CACNA2D1: variants seen among roughly 807,000 people sequenced by gnomAD.
The protein encoded by CACNA2D1 is voltage-dependent calcium channel subunit alpha-2/delta-1.
Under a neutral mutation model 171.5 loss-of-function variants are expected in CACNA2D1, and 53 were observed. The ratio of observed to expected loss-of-function variants is 0.31; its 90% CI spans 0.25 to 0.39. The LOEUF is 0.39. CACNA2D1 is among the 10% of genes least tolerant of loss of function. The probability of loss-of-function intolerance (pLI) is 1.00; values close to 1 mark genes in which losing one functional copy is unlikely to be tolerated. For synonymous variants in CACNA2D1, 442 were observed against 443.1 expected (o/e 1.00, Z 0.03); for missense variants, 903 against 1,299.8 (o/e 0.69, Z 4.69).
At chr7:81,959,491 G>T (rs573302734) in intron 37 of CACNA2D1, 134 bp from the exon 38 acceptor site, 3 of 775,848 alleles carry the variant, frequency 3.9e-6, no homozygotes, top group Non-Finnish European at 6.7e-6. Flanking sequence ...CACAATTCAA[G>T]TACATAGGGA....
chr7:82,348,671 T>C (rs1819526791), intron 2 of CACNA2D1, among the ~76,000 whole-genome samples: 1 of 152,144 alleles, frequency 6.6e-6, no homozygotes, highest in Non-Finnish European at 1.5e-5. Flanking sequence ...TATTAATACA[T>C]AAAGTAACCA....
intron 3 of CACNA2D1, among the ~76,000 whole-genome samples, chr7:82,308,035 C>T (rs1813950047): frequency 6.6e-6 from 1 of 152,192 alleles, no homozygotes; most frequent in African/African-American, 2.4e-5. Flanking sequence ...ACTAAAACGC[C>T]ATCCTAATTG....
At chr7:82,215,512 G>A (rs890337421) in intron 3 of CACNA2D1, among the ~76,000 whole-genome samples, 3 of 151,928 alleles carry the variant, frequency 2.0e-5, no homozygotes, top group Admixed American at 6.6e-5. Flanking sequence ...AAATAAATAT[G>A]ATTTCTTAGA....
intron 4 of CACNA2D1, among the ~76,000 whole-genome samples, chr7:82,139,011 G>A (rs1379828780): frequency 6.6e-6 from 1 of 152,146 alleles, no homozygotes; most frequent in East Asian, 1.9e-4. Flanking sequence ...AGAAAACAAG[G>A]TGAGGCTGCA....
chr7:82,042,357 T>G (rs572566483), intron 10 of CACNA2D1, among the ~76,000 whole-genome samples: 1 of 152,154 alleles, frequency 6.6e-6, no homozygotes, highest in Non-Finnish European at 1.5e-5. Flanking sequence ...TTAAAAACCT[T>G]AGAGCAAAAG....
intron 1 of CACNA2D1, among the ~76,000 whole-genome samples, chr7:82,353,449 A>T: frequency 6.6e-6 from 1 of 152,198 alleles, no homozygotes; most frequent in East Asian, 1.9e-4. Context: ...ATAAATATAC[A>T]CTAGGCAATT....
chr7:82,108,994 T>C (rs1788073680), intron 6 of CACNA2D1, among the ~76,000 whole-genome samples: 1 of 152,186 alleles, frequency 6.6e-6, no homozygotes, highest in Non-Finnish European at 1.5e-5. Flanking sequence ...ATTGTACTTT[T>C]TAAAAAGTGC....
intron 1 of CACNA2D1, among the ~76,000 whole-genome samples, chr7:82,395,171 C>G (rs1283166045): frequency 6.8e-6 from 1 of 147,466 alleles, no homozygotes; most frequent in Non-Finnish European, 1.5e-5. Flanking sequence ...GAGTACTATT[C>G]TAGACACTAA....
Position 82,257,600 on chromosome 7 carries a change from C to T in CACNA2D1, c.294+77535G>A, listed in dbSNP as rs75940635. On this transcript the variant is annotated intron_variant, in intron 3 of 38. Coordinates refer to ENST00000356860, the MANE Select transcript of CACNA2D1 (RefSeq NM_000722.4). ...TGAGAGTAAGAATTCTATACTCCAA[C>T]ACTATGTAAACCATAAAACATTGTC... Among the ~76,000 whole-genome samples, 271 of 152,352 alleles carry T rather than the reference C, an allele frequency of 1.8e-3. 2 individuals are homozygous for T. The highest frequency in any genetic ancestry group is 2.7e-3 in the Non-Finnish European group (185 of 68,038).
At chr7:82,368,402 T>C (rs971180963) in intron 1 of CACNA2D1, among the ~76,000 whole-genome samples, 7 of 152,330 alleles carry the variant, frequency 4.6e-5, no homozygotes, top group Admixed American at 4.6e-4. Flanking sequence ...TTAAGTTCTG[T>C]GAAGCAGGAA....
At chr7:82,019,524 T>A (rs2131006613) in intron 12 of CACNA2D1, among the ~76,000 whole-genome samples, 1 of 152,326 alleles carries the variant, frequency 6.6e-6, no homozygotes, top group East Asian at 1.9e-4. Context: ...CTATTTACAA[T>A]GTATTACTGA....
At chr7:82,104,995 A>T (rs1787565387) in intron 6 of CACNA2D1, among the ~76,000 whole-genome samples, 1 of 152,106 alleles carries the variant, frequency 6.6e-6, no homozygotes, top group Admixed American at 6.5e-5. Flanking sequence ...GAAATTGATG[A>T]CAAATATTTT....
chr7:82,141,706 T>C (rs1291966027), intron 4 of CACNA2D1, among the ~76,000 whole-genome samples: 1 of 152,236 alleles, frequency 6.6e-6, no homozygotes, highest in African/African-American at 2.4e-5. Flanking sequence ...TATGGTTGGA[T>C]GACATGACCA....
chr7:82,259,317 C>A (rs1375873624), intron 3 of CACNA2D1, among the ~76,000 whole-genome samples: 2 of 151,990 alleles, frequency 1.3e-5, no homozygotes, highest in African/African-American at 4.8e-5. Context: ...TGGTCTCAAC[C>A]CAAATTGTTT....
chr7:81,967,662 A>T lies in CACNA2D1; in HGVS notation c.2397T>A (p.Val799=), dbSNP rs191213592. 7.5e-5 allele frequency: 104 copies of T among 1,394,012 alleles called. No individual in the cohort carries two copies. In the African/African-American group the frequency reaches 1.4e-3, roughly 19 times the overall value. The allele number at this position is 1,394,012 out of a possible 1,614,324, so 86.4% of individuals were successfully genotyped here. The part of the protein sequence containing the change: ...YIQGKLLKPA[V]VGIKIDVNSW... ...AATTTACATCAATTTTAATTCCAACAACTGAAAAATTAATTTGAATTAATT... is the reference window on the plus strand; with the variant it reads ...AATTTACATCAATTTTAATTCCAACTACTGAAAAATTAATTTGAATTAATT... The change falls in exon 30 of 39, where the codon GTT becomes GTA. Residue 799 remains valine (V), a splice_region_variant and synonymous_variant. Transcript: ENST00000356860.
At chr7:82,389,928 G>A (rs189061457) in intron 1 of CACNA2D1, among the ~76,000 whole-genome samples, 3 of 152,242 alleles carry the variant, frequency 2.0e-5, no homozygotes, top group South Asian at 4.1e-4. Context: ...TATATCTCAC[G>A]TGTTCTTTGT....
intron 3 of CACNA2D1, among the ~76,000 whole-genome samples, chr7:82,182,404 A>G (rs1193861152): frequency 6.6e-6 from 1 of 152,204 alleles, no homozygotes; most frequent in African/African-American, 2.4e-5. Context: ...GTCTACAAAT[A>G]TATCAAAGTT....
At chr7:82,186,702 A>C (rs1797819966) in intron 3 of CACNA2D1, among the ~76,000 whole-genome samples, 1 of 152,196 alleles carries the variant, frequency 6.6e-6, no homozygotes. Context: ...ACGTTAGGAC[A>C]AAAGAAATAG....
intron 3 of CACNA2D1, among the ~76,000 whole-genome samples, chr7:82,307,303 C>T (rs571838559): frequency 1.6e-4 from 25 of 151,728 alleles, no homozygotes; most frequent in African/African-American, 3.9e-4. Flanking sequence ...TACAGGTATG[C>T]GCCACCACAC....
Sources: allele counts gnomAD v4.1 joint callset (sites outside exome capture counted in the v4.1 genomes callset), GRCh38; gene constraint gnomAD v4.1.1; transcripts MANE v1.5; gene names NCBI Gene and HGNC (gene_info 2026-07-23, HGNC 2026-07-21).